ZNF101: variants seen among roughly 807,000 people sequenced by gnomAD.
The protein encoded by ZNF101 is zinc finger protein 101.
In ZNF101, 34 loss-of-function variants were observed where a neutral mutation model predicts 42.6. The observed-to-expected ratio is 0.80, with a 90% CI of 0.61 to 1.06. The LOEUF (loss-of-function observed/expected upper bound fraction) is 1.06. ZNF101 is among the 50% of genes least tolerant of loss of function. The probability of loss-of-function intolerance (pLI) is 0.00; values close to 1 mark genes in which losing one functional copy is unlikely to be tolerated. For synonymous variants in ZNF101, 158 were observed against 183.9 expected, an observed-to-expected ratio of 0.86 and a Z score of 1.14; for missense variants, 466 against 530.9, an observed-to-expected ratio of 0.88 and a Z score of 1.20.
rs757004584 is a variant in ZNF101 at position 19,668,926 on chromosome 19, C to T, written c.-38C>T. 4.4e-6 allele frequency: 7 copies of T among 1,577,604 alleles called. No homozygotes were observed. In the Admixed American group the frequency reaches 1.3e-4, roughly 29 times the overall value. On this transcript the variant is annotated 5_prime_UTR_variant, in exon 1 of 4. Transcript: ENST00000592502. ...CGTGTGGGACCTGTTCTGGCTGCTC[C>T]AGCCCCAGGAAGGACCCAGGACACC...
At chr19:19,669,059 G>T (rs969339419) in intron 1 of ZNF101, 93 bp downstream of exon 1, 2 of 1,496,770 alleles carry the variant, frequency 1.3e-6, no homozygotes, top group East Asian at 5.1e-5. Context: ...GCGACTGTGG[G>T]GGTCTGGGAC....
Position 19,668,863 on chromosome 19 carries a change from C to T in ZNF101, c.-101C>T, listed in dbSNP as rs999362199. On this transcript the variant is annotated 5_prime_UTR_variant, in exon 1 of 4. Transcript: ENST00000592502. ...CATTCGGGTCCGGGTTTTAGTTCCT[C>T]GGGGAGCCCCTGGTGCCCCGGATAC... is the stretch of plus-strand genomic sequence containing the variant. 3 of 1,438,374 alleles carry T rather than the reference C, an allele frequency of 2.1e-6. No individual in the cohort carries two copies. The highest frequency in any genetic ancestry group is 2.8e-6 in the Non-Finnish European group (3 of 1,072,960). The allele number at this position is 1,438,374 out of a possible 1,614,324, so 89.1% of individuals were successfully genotyped here.
intron 2 of ZNF101, among the ~76,000 whole-genome samples, chr19:19,678,207 C>T (rs2062214518): frequency 7.0e-6 from 1 of 143,310 alleles, no homozygotes; most frequent in South Asian, 2.2e-4. Flanking sequence ...GCCTGGGCAA[C>T]ATGATGAGAC....
intron 1 of ZNF101, among the ~76,000 whole-genome samples, chr19:19,672,536 CT>C (rs935939651): frequency 2.8e-5 from 4 of 145,012 alleles, no homozygotes; most frequent in African/African-American, 5.1e-5. Context: ...TTAGAACGGG[CT>C]TTTTTTTTGG....
rs1026238900 is a variant in ZNF101 at position 19,679,863 on chromosome 19, AGTT to A, written c.878_880del (p.Cys293del). ...ATGTCAGGAATGTGGGAAAAAACTC[AGTT>A]GTTCCAGTTCCCTTCACAGACATGA... On this transcript the variant is annotated inframe_deletion, in exon 4 of 4. Transcript: ENST00000592502. 18 of 1,614,022 alleles carry A rather than the reference AGTT, an allele frequency of 1.1e-5. No individual in the cohort carries two copies. The highest frequency in any genetic ancestry group is 1.4e-5 in the Non-Finnish European group (16 of 1,180,036).
intron 1 of ZNF101, chr19:19,672,271 C>T (rs755978196): frequency 1.3e-5 from 2 of 151,640 alleles, no homozygotes; most frequent in Admixed American, 1.3e-4. Context: ...TCACTACAAC[C>T]TCCGCTAAAG....
rs76834787 is a variant in ZNF101, at chr19:19,677,562, T to C, written c.4-302T>C. 8.9e-3 allele frequency: 2,146 copies of C among 240,540 alleles called. 105 individuals carry two copies. In the South Asian group the frequency reaches 0.091, roughly 10 times the overall value. 14.9% of individuals were successfully genotyped at this position (240,540 alleles called of 1,614,324 possible). A position where few individuals can be genotyped will look rare whatever the true frequency, so the allele number is the denominator to read the frequency against. The stretch of plus-strand genomic sequence containing the variant: ...CTGCACACCAGGTGGTGGGAGTTTG[T>C]TGTGACAGGTACTAGAGATTCACTC... On this transcript the variant is annotated intron_variant, in intron 1 of 3. Transcript: ENST00000592502.
Position 19,680,328 on chromosome 19 carries a change from C to A in ZNF101, c.*28C>A, listed in dbSNP as rs762314280. 1.5e-6 allele frequency: 2 copies of A among 1,322,638 alleles called. No individual in the cohort carries two copies. The highest frequency in any genetic ancestry group is 5.0e-5 in the East Asian group (2 of 40,322). The allele number at this position is 1,322,638 out of a possible 1,614,324, so 81.9% of individuals were successfully genotyped here. A position where few individuals can be genotyped will look rare whatever the true frequency, so the allele number is the denominator to read the frequency against. On this transcript the variant is annotated 3_prime_UTR_variant, in exon 4 of 4. Coordinates refer to ENST00000592502, the MANE Select transcript of ZNF101 (RefSeq NM_033204.4). Reference sequence around the variant, plus strand: ...CCAGCCTGGGCAACATAAGAAGGCCCCATATCGGCTGGGTACGGTGGCTCA... The same window carrying A: ...CCAGCCTGGGCAACATAAGAAGGCCACATATCGGCTGGGTACGGTGGCTCA...
rs776249275 is a variant in ZNF101, at chr19:19,680,230, G to T, written c.1241G>T (p.Arg414Ile). ...TCAAATTACCTTAGACTTCATGAAA[G>T]AACTCATTTGGCCGGGCGTAGCCAG... ...TFSNYLRLHE[R>I]THLAGRSQCF... Residue 414 changes from arginine to isoleucine, a missense_variant, in exon 4 of 4, where the codon AGA (arginine) becomes ATA (isoleucine). Arg to Ile is a moderately conservative substitution (Grantham distance 97). Coordinates refer to ENST00000592502, the MANE Select transcript of ZNF101 (RefSeq NM_033204.4). 27 of 1,577,114 alleles carry T rather than the reference G, an allele frequency of 1.7e-5. No individual in the cohort carries two copies. The highest frequency in any genetic ancestry group is 3.8e-5 in the Admixed American group (2 of 52,678).
chr19:19,668,882 C>T lies in ZNF101; in HGVS notation c.-82C>T, dbSNP rs950113308. 2.7e-6 allele frequency: 4 copies of T among 1,487,708 alleles called. No homozygotes were observed. Among genetic ancestry groups the T allele is most frequent in the Admixed American group, 2.1e-5 (1 of 46,924 alleles). 92.2% of individuals were successfully genotyped at this position (1,487,708 alleles called of 1,614,324 possible). A position where few individuals can be genotyped will look rare whatever the true frequency, so the allele number is the denominator to read the frequency against. ...GTTCCTCGGGGAGCCCCTGGTGCCC[C>T]GGATACGGCTGATTTTGTCGTGTGG... On this transcript the variant is annotated 5_prime_UTR_variant, in exon 1 of 4. Coordinates refer to ENST00000592502, the MANE Select transcript of ZNF101 (RefSeq NM_033204.4).
rs576288209 is a variant in ZNF101 at position 19,679,107 on chromosome 19, G to A, written c.192-74G>A. The stretch of plus-strand genomic sequence containing the variant: ...TTTCCTGATTTTGGTAGCAGCATAA[G>A]TCTTAAGACATGTCAATTAGTAGAA... On this transcript the variant is annotated intron_variant, in intron 3 of 3. Transcript: ENST00000592502. 6 of 1,555,676 alleles carry A rather than the reference G, an allele frequency of 3.9e-6. No individual in the cohort carries two copies. The Admixed American group carries it at 1.1e-4, about 29-fold the overall frequency.
In ZNF101 at chr19:19,679,297, A is replaced by C; in HGVS notation, c.308A>C (p.Lys103Thr). ...AGTCAAACTGGAGTGAAACCATGCA[A>C]ATGCAGCGTGTGTGGGAAAGTCTTC... Reference protein sequence around the residue: ...KKSQTGVKPCKCSVCGKVFLR... With the variant: ...KKSQTGVKPCTCSVCGKVFLR... Residue 103 changes from lysine to threonine, a missense_variant, in exon 4 of 4, where the codon AAA (lysine) becomes ACA (threonine). By Grantham distance (78) the Lys-to-Thr change is moderately conservative. Transcript: ENST00000592502. The C allele has an allele frequency of 6.2e-7, 1 of 1,614,202 alleles. No homozygotes were observed. Among genetic ancestry groups the C allele is most frequent in the Non-Finnish European group, 8.5e-7 (1 of 1,180,042 alleles).
chr19:19,683,387 TA>T lies in ZNF101; in HGVS notation c.*3089del, dbSNP rs1399879999. On this transcript the variant is annotated 3_prime_UTR_variant, in exon 4 of 4. Transcript: ENST00000592502. ...ATTATTTGGATGGTTCATTTTGACT[TA>T]AGGATAGCCCTGTGATATGACAATA... The T allele has an allele frequency of 6.6e-6, 1 of 152,196 alleles. No individual in the cohort carries two copies. Among genetic ancestry groups the T allele is most frequent in the African/African-American group, 2.4e-5 (1 of 41,458 alleles). The allele number at this position is 152,196 out of a possible 1,614,324, so 9.4% of individuals were successfully genotyped here.
chr19:19,671,318 T>G (rs533874838), intron 1 of ZNF101, among the ~76,000 whole-genome samples: 1 of 152,298 alleles, frequency 6.6e-6, no homozygotes, highest in East Asian at 1.9e-4. Context: ...GATATGATCT[T>G]TTGTTTACTG....
chr19:19,670,171 C>A (rs1046451035), intron 1 of ZNF101, among the ~76,000 whole-genome samples: 6 of 152,084 alleles, frequency 3.9e-5, no homozygotes, highest in African/African-American at 1.2e-4. Context: ...GGGAGGAGTT[C>A]TTGTCTTTTG....
intron 1 of ZNF101, among the ~76,000 whole-genome samples, chr19:19,675,372 A>G (rs935265522): frequency 6.7e-6 from 1 of 148,716 alleles, no homozygotes; most frequent in Admixed American, 6.7e-5. Context: ...TCCTGACTTA[A>G]GGGGATCCAC....
At chr19:19,675,500 T>G (rs887443440) in intron 1 of ZNF101, among the ~76,000 whole-genome samples, 1 of 152,172 alleles carries the variant, frequency 6.6e-6, no homozygotes, top group Non-Finnish European at 1.5e-5. Flanking sequence ...TTTTTGTTTT[T>G]TCATGACTCA....
At chr19:19,670,298 C>T (rs2062160374) in intron 1 of ZNF101, among the ~76,000 whole-genome samples, 1 of 152,208 alleles carries the variant, frequency 6.6e-6, no homozygotes, top group Non-Finnish European at 1.5e-5. Context: ...GGGTGGCATG[C>T]AGTGGCACAG....
chr19:19,671,137 G>C (rs1019892736), intron 1 of ZNF101, among the ~76,000 whole-genome samples: 13 of 152,136 alleles, frequency 8.5e-5, no homozygotes, highest in African/African-American at 2.9e-4. Context: ...AGGCATGGTA[G>C]ATAAGCAGAA....
Sources: allele counts gnomAD v4.1 joint callset (sites outside exome capture counted in the v4.1 genomes callset), GRCh38; gene constraint gnomAD v4.1.1; transcripts MANE v1.5; gene names NCBI Gene and HGNC (gene_info 2026-07-23, HGNC 2026-07-21).